The following EPHA6 variants were observed in gnomAD, a reference collection of about 807,000 sequenced individuals.
The protein encoded by EPHA6 is ephrin type-A receptor 6.
In EPHA6, 50 loss-of-function variants were observed where a neutral mutation model predicts 112.0. That is an observed-to-expected ratio of 0.45 (90% CI 0.36 to 0.56). The LOEUF is 0.56. Ranked by LOEUF, EPHA6 falls within the 20% of genes least tolerant of loss-of-function variation. The pLI, the probability that EPHA6 is intolerant of heterozygous loss-of-function variation, is 0.00. For synonymous variants in EPHA6, 529 were observed against 490.7 expected, an observed-to-expected ratio of 1.08 and a Z score of -1.03; for missense variants, 1,280 against 1,417.4, an observed-to-expected ratio of 0.90 and a Z score of 1.56.
intron 2 of EPHA6, among the ~76,000 whole-genome samples, chr3:96,926,812 T>C (rs2040059313): frequency 6.6e-6 from 1 of 152,238 alleles, no homozygotes; most frequent in Admixed American, 6.5e-5. Context: ...GTTTTATGGC[T>C]GACCCTGTAT....
chr3:97,433,537 C>A (rs1383243873), intron 6 of EPHA6, among the ~76,000 whole-genome samples: 1 of 152,102 alleles, frequency 6.6e-6, no homozygotes, highest in East Asian at 1.9e-4. Flanking sequence ...GCAAGGAAAG[C>A]AATCCTCATT....
At chr3:96,854,116 T>C (rs1012298383) in intron 1 of EPHA6, among the ~76,000 whole-genome samples, 1 of 151,810 alleles carries the variant, frequency 6.6e-6, no homozygotes, top group Non-Finnish European at 1.5e-5. Context: ...TTCATTATTA[T>C]ATAATTTACA....
chr3:97,339,331 CAA>C (rs1453566009), intron 5 of EPHA6, among the ~76,000 whole-genome samples: 1 of 152,146 alleles, frequency 6.6e-6, no homozygotes, highest in African/African-American at 2.4e-5. Context: ...TTAGAATCAC[CAA>C]AGATTGCATC....
At chr3:97,569,606 T>G (rs1274451080) in intron 11 of EPHA6, among the ~76,000 whole-genome samples, 2 of 152,184 alleles carry the variant, frequency 1.3e-5, no homozygotes, top group South Asian at 2.1e-4. Context: ...TTATGAAAAT[T>G]GTATTGTGAA....
At chr3:97,403,780 T>C (rs1424498596) in intron 5 of EPHA6, among the ~76,000 whole-genome samples, 1 of 152,218 alleles carries the variant, frequency 6.6e-6, no homozygotes, top group Non-Finnish European at 1.5e-5. Context: ...ATAATATTTT[T>C]ATATTACAAA....
chr3:97,499,261 G>C (rs2092059196), intron 10 of EPHA6, among the ~76,000 whole-genome samples: 1 of 152,044 alleles, frequency 6.6e-6, no homozygotes, highest in Non-Finnish European at 1.5e-5. Context: ...TAAAGATATA[G>C]CTTCCTTACA....
At chr3:96,899,014 C>T (rs1318366495) in intron 2 of EPHA6, among the ~76,000 whole-genome samples, 6 of 146,092 alleles carry the variant, frequency 4.1e-5, no homozygotes, top group East Asian at 4.0e-4. Flanking sequence ...GGCGACAGAG[C>T]GAAACTCCAT....
chr3:97,498,660 T>TA lies in EPHA6; in HGVS notation c.2200+14602dup, dbSNP rs373167848. Among the ~76,000 whole-genome samples the TA allele has an allele frequency of 3.3e-3, 496 of 152,304 alleles. 1 individual carries two copies. The highest frequency in any genetic ancestry group is 0.011 in the African/African-American group (473 of 41,566). On this transcript the variant is annotated intron_variant, in intron 10 of 17. Coordinates refer to ENST00000389672, the MANE Select transcript of EPHA6 (RefSeq NM_001080448.3). ...TCAGTGGTTCCTTTTTCCTTTACTCTATAACAGTGGTCCTCAACCCCCAGG... is the reference window on the plus strand; with the variant it reads ...TCAGTGGTTCCTTTTTCCTTTACTCTAATAACAGTGGTCCTCAACCCCCAGG...
At chr3:97,341,058 A>C (rs557085185) in intron 5 of EPHA6, among the ~76,000 whole-genome samples, 48 of 152,338 alleles carry the variant, frequency 3.2e-4, no homozygotes, top group African/African-American at 1.1e-3. Context: ...AAGGGAAATA[A>C]AATGGCAACA....
intron 2 of EPHA6, among the ~76,000 whole-genome samples, chr3:96,978,265 G>A (rs2042612154): frequency 6.6e-6 from 1 of 152,148 alleles, no homozygotes; most frequent in Admixed American, 6.6e-5. Context: ...TTTATGTTGA[G>A]TAGGCTGAAG....
At chr3:97,399,979 C>G (rs565576926) in intron 5 of EPHA6, among the ~76,000 whole-genome samples, 1 of 151,420 alleles carries the variant, frequency 6.6e-6, no homozygotes, top group East Asian at 1.9e-4. Flanking sequence ...GTTTTTGGTA[C>G]CTATGCTTTT....
chr3:97,614,901 T>C (rs774991308), intron 13 of EPHA6, among the ~76,000 whole-genome samples: 40 of 151,958 alleles, frequency 2.6e-4, no homozygotes, highest in Non-Finnish European at 5.3e-4. Flanking sequence ...AATGGTAAGT[T>C]TAATTTTGGT....
At chr3:97,651,889 T>C (rs971151631) in intron 14 of EPHA6, among the ~76,000 whole-genome samples, 2 of 152,052 alleles carry the variant, frequency 1.3e-5, no homozygotes, top group Non-Finnish European at 2.9e-5. Flanking sequence ...ATGTGCAGGT[T>C]TGTTGCATGG....
intron 5 of EPHA6, among the ~76,000 whole-genome samples, chr3:97,325,564 C>G (rs1319385040): frequency 6.6e-6 from 1 of 152,024 alleles, no homozygotes; most frequent in African/African-American, 2.4e-5. Context: ...TTGAAGGGAT[C>G]TAATTCAGCC....
chr3:97,151,125 G>T (rs542215179), intron 3 of EPHA6, among the ~76,000 whole-genome samples: 2 of 151,930 alleles, frequency 1.3e-5, no homozygotes, highest in African/African-American at 4.8e-5. Context: ...ATTGAGCCTC[G>T]AAATAGGCCC....
At chr3:97,595,651 A>AG (rs1322052537) in intron 12 of EPHA6, among the ~76,000 whole-genome samples, 1 of 150,310 alleles carries the variant, frequency 6.7e-6, no homozygotes, top group East Asian at 1.9e-4. Context: ...ATCTCAAAAA[A>AG]GAAAAAAAAG....
chr3:97,278,400 A>G (rs970759791), intron 5 of EPHA6, among the ~76,000 whole-genome samples: 8 of 152,210 alleles, frequency 5.3e-5, no homozygotes, highest in Non-Finnish European at 1.5e-5. Flanking sequence ...TCATTTTTGC[A>G]TAAAGGTTTC....
At chr3:97,532,614 T>C (rs1326679304) in intron 11 of EPHA6, 71 bp downstream of exon 11, 5 of 1,271,486 alleles carry the variant, frequency 3.9e-6, no homozygotes, top group Non-Finnish European at 5.4e-6. Flanking sequence ...AAAGGAAAAA[T>C]CTTCATAATA....
intron 3 of EPHA6, among the ~76,000 whole-genome samples, chr3:97,134,335 G>A (rs1370523051): frequency 6.6e-6 from 1 of 152,064 alleles, no homozygotes; most frequent in Admixed American, 6.6e-5. Context: ...AGATAAATGT[G>A]AGAATCATAC....
Sources: allele counts gnomAD v4.1 joint callset (sites outside exome capture counted in the v4.1 genomes callset), GRCh38; gene constraint gnomAD v4.1.1; transcripts MANE v1.5; gene names NCBI Gene and HGNC (gene_info 2026-07-23, HGNC 2026-07-21).